The following VPS13A variants were observed in gnomAD, a reference collection of about 807,000 sequenced individuals.
VPS13A encodes intermembrane lipid transfer protein VPS13A.
A neutral mutation model predicts 390.9 loss-of-function variants in VPS13A; 264 were observed. The observed-to-expected ratio is 0.68, with a 90% CI of 0.61 to 0.75. VPS13A has a LOEUF of 0.75. Among genes scored for constraint, VPS13A ranks in the 30% least tolerant of loss-of-function variants. The pLI is 0.00. For synonymous variants in VPS13A, 1,231 were observed against 1,227.1 expected, an observed-to-expected ratio of 1.00 and a Z score of -0.07; for missense variants, 3,409 against 3,733.9, an observed-to-expected ratio of 0.91 and a Z score of 2.27.
At chr9:77,274,225 C>A (rs1311203255) in intron 24 of VPS13A, among the ~76,000 whole-genome samples, 8 of 151,892 alleles carry the variant, frequency 5.3e-5, no homozygotes, top group African/African-American at 1.9e-4. Flanking sequence ...GTCAAGAGAT[C>A]GAGACCATTC....
intron 19 of VPS13A, among the ~76,000 whole-genome samples, chr9:77,243,710 G>A (rs1824639499): frequency 6.6e-6 from 1 of 152,000 alleles, no homozygotes; most frequent in Admixed American, 6.6e-5. Context: ...TAGGTTTTAG[G>A]GAACATAGCA....
chr9:77,411,660 CAAAAAA>C lies in VPS13A; in HGVS notation c.9474+4073_9474+4078del, dbSNP rs1169254413. Among the ~76,000 whole-genome samples the C allele has an allele frequency of 1.0e-3, 34 of 33,920 alleles. No homozygotes were observed. The East Asian group carries it at 0.014, about 14-fold the overall frequency. 22.3% of individuals were successfully genotyped at this position (33,920 alleles called of 152,430 possible). On this transcript the variant is annotated intron_variant, in intron 71 of 71. Transcript: ENST00000360280. ...CCTAGGCAACAGCAAAACTCCATCTCAAAAAAAAAAAAAAAAAAAAAAAAAGGAACT... is the reference window on the plus strand; with the variant it reads ...CCTAGGCAACAGCAAAACTCCATCTCAAAAAAAAAAAAAAAAAAAGGAACT...
intron 5 of VPS13A, among the ~76,000 whole-genome samples, chr9:77,207,938 T>C (rs1357241529): frequency 1.3e-5 from 2 of 152,200 alleles, no homozygotes; most frequent in Non-Finnish European, 1.5e-5. Context: ...GGCATTGATA[T>C]GCTTTTCATG....
At chr9:77,216,902 C>T (rs1373110322) in intron 10 of VPS13A, among the ~76,000 whole-genome samples, 1 of 152,166 alleles carries the variant, frequency 6.6e-6, no homozygotes, top group Non-Finnish European at 1.5e-5. Context: ...GGCTAAGCCA[C>T]TCTGGTCTTT....
In VPS13A at chr9:77,417,836, C is replaced by T. The variant is rs975469170; in HGVS notation, c.*1830C>T. 1 of 152,108 alleles carries T rather than the reference C, an allele frequency of 6.6e-6. No homozygotes were observed. Among genetic ancestry groups the T allele is most frequent in the Non-Finnish European group, 1.5e-5 (1 of 68,020 alleles). The allele number at this position is 152,108 out of a possible 1,614,324, so 9.4% of individuals were successfully genotyped here. A position where few individuals can be genotyped will look rare whatever the true frequency, so the allele number is the denominator to read the frequency against. ...GCAGGAGTGGGTCTTGTGACTAATC[C>T]ACATGGAAAGGATAGTGCCTGTCTT... On this transcript the variant is annotated 3_prime_UTR_variant, in exon 72 of 72. Transcript: ENST00000360280.
intron 52 of VPS13A, among the ~76,000 whole-genome samples, chr9:77,345,972 T>C (rs960230567): frequency 6.6e-6 from 1 of 152,168 alleles, no homozygotes; most frequent in Non-Finnish European, 1.5e-5. Context: ...ATAAGTTGTT[T>C]CTAAACATGT....
Position 77,213,818 on chromosome 9 carries a change from A to G in VPS13A, c.696+504A>G, listed in dbSNP as rs575955914. On this transcript the variant is annotated intron_variant, in intron 9 of 71. Coordinates refer to ENST00000360280, the MANE Select transcript of VPS13A (RefSeq NM_033305.3). ...TGCACCCAATGATACCTGCAAATCT[A>G]AATAGCTCCTAGAACATTCTTTTAT... is the stretch of plus-strand genomic sequence containing the variant. 1.5e-4 allele frequency among the ~76,000 whole-genome samples: 23 copies of G among 152,270 alleles called. 1 individual carries two copies. In the South Asian group the frequency reaches 4.8e-3, roughly 32 times the overall value.
At chr9:77,387,004 G>A (rs1219431538) in intron 68 of VPS13A, among the ~76,000 whole-genome samples, 3 of 151,900 alleles carry the variant, frequency 2.0e-5, no homozygotes, top group South Asian at 2.1e-4. Flanking sequence ...GCACCCAGCC[G>A]AGATCTGCTC....
chr9:77,414,393 G>A (rs1392932030), intron 71 of VPS13A, among the ~76,000 whole-genome samples: 5 of 152,206 alleles, frequency 3.3e-5, no homozygotes, highest in African/African-American at 1.2e-4. Flanking sequence ...TATACACCAT[G>A]GAATACTATA....
intron 54 of VPS13A, 91 bp from the exon 55 acceptor site, chr9:77,356,623 G>A (rs1468086475): frequency 7.2e-7 from 1 of 1,391,138 alleles, no homozygotes. Flanking sequence ...TGAAATTTTA[G>A]TGAAGGTATT....
Position 77,250,180 on chromosome 9 carries a change from T to C in VPS13A, c.2121T>C (p.Asp707=). 1 of 1,613,898 alleles carries C rather than the reference T, an allele frequency of 6.2e-7. No individual in the cohort carries two copies. The highest frequency in any genetic ancestry group is 8.5e-7 in the Non-Finnish European group (1 of 1,179,918). ...NLKEIMDRAY[D]SFDIQLTSVQ... ...AAGAGATAATGGATAGAGCTTATGA[T>C]TCATTTGATATTCAACTTACAAGTG... is the stretch of plus-strand genomic sequence containing the variant. The change falls in exon 21 of 72, where the codon GAT becomes GAC. Residue 707 remains aspartate (D), a synonymous_variant. Coordinates refer to ENST00000360280, the MANE Select transcript of VPS13A (RefSeq NM_033305.3).
rs765665355 is a variant in VPS13A at position 77,293,503 on chromosome 9, A to G, written c.3502A>G (p.Ile1168Val). The change falls in exon 32 of 72, where the codon ATA becomes GTA. Residue 1168 changes from isoleucine (I) to valine (V), a missense_variant. By Grantham distance (29) the Ile-to-Val change is conservative. Around this residue, in one of 5 missense-constraint regions of VPS13A, gnomAD observed 2,717 missense variants for 2,917.4 expected, o/e 0.93. Transcript: ENST00000360280. ...TTTTGTCACGAAATTTCTATATTCTATATTGGTAAGTATTTTATTAAATTA... is the reference window on the plus strand; with the variant it reads ...TTTTGTCACGAAATTTCTATATTCTGTATTGGTAAGTATTTTATTAAATTA... ...VVFVTKFLYS[I>V]LAFIDNFQAA... 87 of 1,512,178 alleles carry G rather than the reference A, an allele frequency of 5.8e-5. No individual in the cohort carries two copies. The highest frequency in any genetic ancestry group is 4.4e-4 in the East Asian group (19 of 42,928). The allele number at this position is 1,512,178 out of a possible 1,614,324, so 93.7% of individuals were successfully genotyped here. A position where few individuals can be genotyped will look rare whatever the true frequency, so the allele number is the denominator to read the frequency against.
Position 77,238,396 on chromosome 9 carries a change from A to T in VPS13A, c.1900+10A>T, listed in dbSNP as rs1404177993. 6.3e-7 allele frequency: 1 copy of T among 1,585,712 alleles called. No individual in the cohort carries two copies. Among genetic ancestry groups the T allele is most frequent in the Non-Finnish European group, 8.7e-7 (1 of 1,154,102 alleles). The stretch of plus-strand genomic sequence containing the variant: ...AGTAAGACAGCAACAGGTAAATGCC[A>T]ATATTAATGTTGGTGAATTAAATAC... On this transcript the variant is annotated intron_variant, in intron 19 of 71. Coordinates refer to ENST00000360280, the MANE Select transcript of VPS13A (RefSeq NM_033305.3).
chr9:77,355,314 T>C (rs1229170365), intron 54 of VPS13A, among the ~76,000 whole-genome samples: 2 of 152,134 alleles, frequency 1.3e-5, no homozygotes, highest in Non-Finnish European at 2.9e-5. Flanking sequence ...CTTAATAACA[T>C]TTAACACAGA....
chr9:77,358,623 A>G (rs1445110813), intron 57 of VPS13A, among the ~76,000 whole-genome samples, 185 bp downstream of exon 57: 1 of 152,222 alleles, frequency 6.6e-6, no homozygotes, highest in Non-Finnish European at 1.5e-5. Flanking sequence ...TTTTGAGTGA[A>G]TCTTGAAGAA....
chr9:77,387,624 A>C (rs945873251), intron 68 of VPS13A, among the ~76,000 whole-genome samples: 2 of 152,198 alleles, frequency 1.3e-5, no homozygotes, highest in Non-Finnish European at 2.9e-5. Context: ...TGTAAATGAA[A>C]TTAATTAGTA....
At chr9:77,330,525 A>T (rs1428635913) in intron 45 of VPS13A, among the ~76,000 whole-genome samples, 1 of 152,178 alleles carries the variant, frequency 6.6e-6, no homozygotes, top group Admixed American at 6.5e-5. Flanking sequence ...CACATTCCAA[A>T]CAGGCACCAT....
chr9:77,182,602 T>C (rs540210482), intron 1 of VPS13A, among the ~76,000 whole-genome samples: 1 of 152,290 alleles, frequency 6.6e-6, no homozygotes, highest in African/African-American at 2.4e-5. Flanking sequence ...GAATTTTAAA[T>C]AGACAAAAGC....
intron 1 of VPS13A, among the ~76,000 whole-genome samples, chr9:77,194,990 A>AT (rs1042785254): frequency 1.1e-4 from 16 of 150,500 alleles, no homozygotes; most frequent in African/African-American, 3.4e-4. Flanking sequence ...CAATTCACCT[A>AT]TTTTTTTTCT....
Sources: gnomAD v4.1 joint callset for allele counts (sites outside exome capture counted in the v4.1 genomes callset) on GRCh38, gnomAD v4.1.1 for gene constraint, gnomAD v4.1.1 regional missense constraint, MANE v1.5 for transcripts, NCBI Gene and HGNC (gene_info 2026-07-23, HGNC 2026-07-21) for gene names.